The following FAM168A variants were observed in gnomAD, a reference collection of about 807,000 sequenced individuals.
FAM168A encodes the protein protein FAM168A.
A neutral mutation model predicts 28.5 loss-of-function variants in FAM168A; 3 were observed. That is an observed-to-expected ratio of 0.11 (90% CI 0.05 to 0.27). The LOEUF is 0.27. FAM168A is among the 10% of genes least tolerant of loss of function. FAM168A has a pLI of 1.00. For synonymous variants in FAM168A, 122 were observed against 124.2 expected, an observed-to-expected ratio of 0.98 and a Z score of 0.12; for missense variants, 222 against 311.5, an observed-to-expected ratio of 0.71 and a Z score of 2.16.
intron 1 of FAM168A, among the ~76,000 whole-genome samples, chr11:73,469,208 GA>G (rs1867778957): frequency 6.6e-6 from 1 of 152,176 alleles, no homozygotes; most frequent in African/African-American, 2.4e-5. Flanking sequence ...TTATCTTAAT[GA>G]AGCACATTCT....
At chr11:73,442,793 T>C (rs911702711) in intron 2 of FAM168A, among the ~76,000 whole-genome samples, 1 of 150,336 alleles carries the variant, frequency 6.7e-6, no homozygotes, top group Non-Finnish European at 1.5e-5. Context: ...GTATACGTGG[T>C]GTACAGTGTT....
intron 1 of FAM168A, among the ~76,000 whole-genome samples, chr11:73,552,433 T>G (rs1788762705): frequency 6.6e-6 from 1 of 152,234 alleles, no homozygotes; most frequent in African/African-American, 2.4e-5. Flanking sequence ...TTTAAAAGTT[T>G]AAGAATTAAA....
At chr11:73,443,684 G>A (rs60349984) in intron 2 of FAM168A, among the ~76,000 whole-genome samples, 2,124 of 152,282 alleles carry the variant, frequency 0.014, 33 homozygotes, top group African/African-American at 0.041. Context: ...TCATTTATAG[G>A]CAGACCTAGG....
intron 2 of FAM168A, among the ~76,000 whole-genome samples, chr11:73,445,001 T>A (rs1867273536): frequency 6.6e-6 from 1 of 152,208 alleles, no homozygotes; most frequent in Non-Finnish European, 1.5e-5. Flanking sequence ...GGCTCACACC[T>A]GTAATCCCAA....
At chr11:73,504,253 G>T (rs189341555) in intron 1 of FAM168A, among the ~76,000 whole-genome samples, 6 of 151,682 alleles carry the variant, frequency 4.0e-5, no homozygotes, top group Admixed American at 6.6e-5. Context: ...GCAATCTACC[G>T]ATCTGATAAA....
intron 1 of FAM168A, among the ~76,000 whole-genome samples, chr11:73,594,034 A>T (rs1370425384): frequency 6.6e-6 from 1 of 152,228 alleles, no homozygotes; most frequent in Non-Finnish European, 1.5e-5. Context: ...TAGTGAACAG[A>T]TATTTCATAT....
At chr11:73,438,711 C>T (rs1226226651) in intron 2 of FAM168A, among the ~76,000 whole-genome samples, 1 of 152,028 alleles carries the variant, frequency 6.6e-6, no homozygotes, top group African/African-American at 2.4e-5. Context: ...AAAAGGAGTT[C>T]AGAGTGGTTA....
At position 73,578,072 on chromosome 11, in the gene FAM168A, C is replaced by T. The variant is rs1944196733; in HGVS notation, c.-19+19851G>A. ...TGCTGGTAATACTGGCTTCCAGGGA[C>T]TGAGGGCCTACTATGCAAGAGACAT... is the stretch of plus-strand genomic sequence containing the variant. On this transcript the variant is annotated intron_variant, in intron 1 of 7. Transcript: ENST00000356467. Among the ~76,000 whole-genome samples the T allele has an allele frequency of 2.0e-5, 3 of 152,136 alleles. No individual in the cohort carries two copies. The South Asian group carries it at 6.2e-4, about 32-fold the overall frequency.
chr11:73,448,079 C>T (rs563495829), intron 2 of FAM168A, among the ~76,000 whole-genome samples: 7 of 152,276 alleles, frequency 4.6e-5, no homozygotes, highest in Admixed American at 2.0e-4. Context: ...GACACAGTCT[C>T]GCTCTGTTGC....
chr11:73,535,709 G>GCA (rs1409802183), intron 1 of FAM168A, among the ~76,000 whole-genome samples: 2 of 144,004 alleles, frequency 1.4e-5, no homozygotes, highest in East Asian at 4.2e-4. Context: ...GTGAGCCACC[G>GCA]CACCTCACCC....
intron 3 of FAM168A, chr11:73,425,011 A>T (rs1435899446): frequency 6.6e-7 from 1 of 1,526,424 alleles, no homozygotes; most frequent in East Asian, 2.5e-5. Context: ...GAGGAAAAAT[A>T]GCTTTCCTAC....
At chr11:73,419,051 C>A (rs1394162123) in intron 4 of FAM168A, among the ~76,000 whole-genome samples, 1 of 152,130 alleles carries the variant, frequency 6.6e-6, no homozygotes, top group Non-Finnish European at 1.5e-5. Flanking sequence ...ACCTCGTGAT[C>A]CGCCCACCTT....
At chr11:73,450,867 AG>A (rs1378119036) in intron 2 of FAM168A, among the ~76,000 whole-genome samples, 11 of 152,218 alleles carry the variant, frequency 7.2e-5, no homozygotes, top group African/African-American at 2.4e-4. Context: ...CCTGAAAGAA[AG>A]GACAAGTCTA....
At chr11:73,583,193 C>G (rs992398830) in intron 1 of FAM168A, among the ~76,000 whole-genome samples, 7 of 152,172 alleles carry the variant, frequency 4.6e-5, no homozygotes, top group Non-Finnish European at 8.8e-5. Flanking sequence ...ATCCCAGCTA[C>G]TCGGGAGGCT....
intron 3 of FAM168A, among the ~76,000 whole-genome samples, chr11:73,422,490 C>G (rs1309241599): frequency 6.6e-6 from 1 of 152,166 alleles, no homozygotes; most frequent in Non-Finnish European, 1.5e-5. Context: ...TGTGATCCAG[C>G]TCCTCCATAT....
chr11:73,422,193 T>C (rs1196472573), intron 3 of FAM168A, among the ~76,000 whole-genome samples: 1 of 152,114 alleles, frequency 6.6e-6, no homozygotes, highest in Non-Finnish European at 1.5e-5. Context: ...GCATGATACA[T>C]AGTAAAATAA....
At chr11:73,555,311 GAGAGT>G in intron 1 of FAM168A, among the ~76,000 whole-genome samples, 1 of 152,252 alleles carries the variant, frequency 6.6e-6, no homozygotes. Flanking sequence ...CAGTAGAAGA[GAGAGT>G]TAGGCAGCAT....
intron 1 of FAM168A, among the ~76,000 whole-genome samples, chr11:73,514,279 C>G (rs1943268719): frequency 6.6e-6 from 1 of 152,140 alleles, no homozygotes; most frequent in South Asian, 2.1e-4. Flanking sequence ...ACTGTCCTTT[C>G]AGAGTTGTTA....
chr11:73,508,244 G>A (rs1409994012), intron 1 of FAM168A, among the ~76,000 whole-genome samples: 1 of 152,106 alleles, frequency 6.6e-6, no homozygotes, highest in African/African-American at 2.4e-5. Flanking sequence ...GAAAGGCTCT[G>A]AAGTTTAAAG....
Sources: allele counts gnomAD v4.1 joint callset (sites outside exome capture counted in the v4.1 genomes callset), GRCh38; gene constraint gnomAD v4.1.1; transcripts MANE v1.5; gene names NCBI Gene and HGNC (gene_info 2026-07-23, HGNC 2026-07-21).